Variants in NXPE2 observed in about 807,000 individuals in gnomAD.
The protein encoded by NXPE2 is NXPE family member 2.
Under a neutral mutation model 34.4 loss-of-function variants are expected in NXPE2, and 34 were observed. The ratio of observed to expected loss-of-function variants is 0.99; its 90% CI spans 0.75 to 1.31. NXPE2 has a LOEUF of 1.31. Ranked by LOEUF, NXPE2 falls within the 40% of genes most tolerant of loss-of-function variation. The pLI is 0.00. For synonymous variants in NXPE2, 235 were observed against 231.3 expected, an observed-to-expected ratio of 1.02 and a Z score of -0.15; for missense variants, 649 against 672.5, an observed-to-expected ratio of 0.97 and a Z score of 0.39.
the NXPE2 span, among the ~76,000 whole-genome samples, chr11:114,738,296 T>C: frequency 2.0e-5 from 3 of 152,232 alleles, no homozygotes; most frequent in South Asian, 6.2e-4. Flanking sequence ...ATGGTTTAAG[T>C]ATGTTATCCA....
chr11:114,472,851 T>C, the NXPE2 span, among the ~76,000 whole-genome samples: 2 of 152,232 alleles, frequency 1.3e-5, no homozygotes, highest in Admixed American at 6.5e-5. Flanking sequence ...GATGTCATCC[T>C]ATCATAACCG....
At chr11:114,497,295 G>GA in the NXPE2 span, among the ~76,000 whole-genome samples, 6 of 152,008 alleles carry the variant, frequency 3.9e-5, no homozygotes, top group African/African-American at 1.5e-4. Context: ...AAGATATAAA[G>GA]AAAAAAGTGT....
At chr11:114,638,760 C>T in the NXPE2 span, among the ~76,000 whole-genome samples, 1 of 151,994 alleles carries the variant, frequency 6.6e-6, no homozygotes, top group African/African-American at 2.4e-5. Flanking sequence ...GTAACAGCAG[C>T]AGTGTCTGCA....
At chr11:114,657,304 T>G in the NXPE2 span, among the ~76,000 whole-genome samples, 1 of 152,134 alleles carries the variant, frequency 6.6e-6, no homozygotes, top group African/African-American at 2.4e-5. Flanking sequence ...GAGATCTCGA[T>G]ATAGAATTTA....
intron 2 of NXPE2, among the ~76,000 whole-genome samples, chr11:114,691,930 A>G (rs1341303286): frequency 6.6e-6 from 1 of 152,244 alleles, no homozygotes; most frequent in Non-Finnish European, 1.5e-5. Flanking sequence ...CCCACAGACT[A>G]GTTCCAGTTT....
At chr11:114,478,835 C>T in the NXPE2 span, among the ~76,000 whole-genome samples, 1 of 152,120 alleles carries the variant, frequency 6.6e-6, no homozygotes, top group African/African-American at 2.4e-5. Flanking sequence ...TATTAAATGT[C>T]AGATGTTGTG....
the NXPE2 span, among the ~76,000 whole-genome samples, chr11:114,505,365 A>C: frequency 2.0e-5 from 3 of 152,154 alleles, no homozygotes; most frequent in African/African-American, 7.2e-5. Context: ...AAATTCGGGA[A>C]ATGCAGAGAA....
chr11:114,698,343 A>T lies in NXPE2; in HGVS notation c.431A>T (p.Gln144Leu), dbSNP rs1199432620. The T allele has an allele frequency of 1.9e-6, 3 of 1,613,866 alleles. No homozygotes were observed. The Admixed American group carries it at 5.0e-5, about 27-fold the overall frequency. The change falls in exon 3 of 6, where the codon CAA becomes CTA. Residue 144 changes from glutamine (Q) to leucine (L), a missense_variant. Gln to Leu is a moderately radical substitution (Grantham distance 113). Coordinates refer to ENST00000389586, the MANE Select transcript of NXPE2 (RefSeq NM_182495.6). ...AGGGACCACTTGGGACACAGGAAGCAATATGGTGGGGATTTCCTGAGGGCC... is the reference window on the plus strand; with the variant it reads ...AGGGACCACTTGGGACACAGGAAGCTATATGGTGGGGATTTCCTGAGGGCC... The part of the protein sequence containing the change: ...EVRDHLGHRK[Q>L]YGGDFLRARM...
chr11:114,639,698 A>G, the NXPE2 span, among the ~76,000 whole-genome samples: 2 of 137,218 alleles, frequency 1.5e-5, no homozygotes, highest in African/African-American at 2.7e-5. Context: ...TCTATTCTAT[A>G]ATATATTCTA....
At chr11:114,647,373 A>G in the NXPE2 span, among the ~76,000 whole-genome samples, 4 of 152,190 alleles carry the variant, frequency 2.6e-5, no homozygotes, top group Non-Finnish European at 5.9e-5. Flanking sequence ...AACAACTTAT[A>G]TAAGATAGAA....
chr11:114,516,595 A>G, the NXPE2 span, among the ~76,000 whole-genome samples: 20 of 152,072 alleles, frequency 1.3e-4, no homozygotes, highest in Admixed American at 6.6e-5. Context: ...ATTATTGAAA[A>G]ACTTTTTTGG....
the NXPE2 span, among the ~76,000 whole-genome samples, chr11:114,667,265 T>C: frequency 1.3e-5 from 2 of 152,146 alleles, no homozygotes; most frequent in African/African-American, 4.8e-5. Context: ...AAATAGGAAG[T>C]TGAGAAAGAG....
At chr11:114,611,081 G>A in the NXPE2 span, among the ~76,000 whole-genome samples, 1 of 151,662 alleles carries the variant, frequency 6.6e-6, no homozygotes, top group African/African-American at 2.4e-5. Context: ...TTACCTGGTG[G>A]ATAATAAGTG....
chr11:114,737,681 C>T, the NXPE2 span, among the ~76,000 whole-genome samples: 1 of 152,130 alleles, frequency 6.6e-6, no homozygotes, highest in Admixed American at 6.5e-5. Flanking sequence ...TGAACTGGGA[C>T]ACAAGTCTAG....
At chr11:114,641,709 T>C in the NXPE2 span, among the ~76,000 whole-genome samples, 75 of 152,018 alleles carry the variant, frequency 4.9e-4, 3 homozygotes, top group Admixed American at 4.9e-3. Flanking sequence ...ATCAACAGAA[T>C]AAAACCTAAC....
chr11:114,646,377 A>T, the NXPE2 span, among the ~76,000 whole-genome samples: 1 of 151,770 alleles, frequency 6.6e-6, no homozygotes, highest in Non-Finnish European at 1.5e-5. Context: ...ATAAGTGTTA[A>T]TTTTTATCCT....
chr11:114,607,619 C>G, the NXPE2 span, among the ~76,000 whole-genome samples: 2 of 150,874 alleles, frequency 1.3e-5, no homozygotes, highest in Non-Finnish European at 3.0e-5. Context: ...CCAGTGTTAC[C>G]CGGTGGATAA....
the NXPE2 span, among the ~76,000 whole-genome samples, chr11:114,572,847 C>T: frequency 6.6e-6 from 1 of 152,132 alleles, no homozygotes; most frequent in Non-Finnish European, 1.5e-5. Flanking sequence ...CATCCAAATA[C>T]AAGCAGCTCA....
the NXPE2 span, among the ~76,000 whole-genome samples, chr11:114,543,810 T>C: frequency 6.6e-6 from 1 of 152,056 alleles, no homozygotes; most frequent in Non-Finnish European, 1.5e-5. Flanking sequence ...ATTAACAAAT[T>C]ACATGACTGT....
Sources: gnomAD v4.1 joint callset for allele counts (sites outside exome capture counted in the v4.1 genomes callset) on GRCh38, gnomAD v4.1.1 for gene constraint, MANE v1.5 for transcripts, NCBI Gene and HGNC (gene_info 2026-07-23, HGNC 2026-07-21) for gene names.